The following TMEM232 variants were observed in gnomAD, a reference collection of about 807,000 sequenced individuals.
TMEM232 encodes transmembrane protein 232.
A neutral mutation model predicts 78.8 loss-of-function variants in TMEM232; 80 were observed. That is an observed-to-expected ratio of 1.01 (90% CI 0.85 to 1.22). The LOEUF (loss-of-function observed/expected upper bound fraction) is 1.22, where lower values mean the gene tolerates loss of function less well. Ranked by LOEUF, TMEM232 falls within the 50% of genes most tolerant of loss-of-function variation. The pLI is 0.00. For synonymous variants in TMEM232, 297 were observed against 254.3 expected (o/e 1.17, Z -1.60); for missense variants, 881 against 742.2 (o/e 1.19, Z -2.17).
intron 12 of TMEM232, among the ~76,000 whole-genome samples, chr5:110,493,101 T>C (rs181041123): frequency 1.5e-3 from 235 of 151,770 alleles, no homozygotes; most frequent in Non-Finnish European, 2.5e-3. Context: ...AAAACACCCA[T>C]ACAAGAAAAA....
At chr5:110,521,167 C>G (rs975137196) in intron 12 of TMEM232, among the ~76,000 whole-genome samples, 1 of 152,066 alleles carries the variant, frequency 6.6e-6, no homozygotes, top group Non-Finnish European at 1.5e-5. Flanking sequence ...CTTCAGGTGA[C>G]CTCTCATCCC....
intron 1 of TMEM232, among the ~76,000 whole-genome samples, chr5:110,691,398 T>C (rs969921308): frequency 6.6e-6 from 1 of 152,210 alleles, no homozygotes; most frequent in African/African-American, 2.4e-5. Context: ...ATGTGATGAA[T>C]GGTTTAGGAA....
chr5:110,414,715 T>C (rs1239120770), downstream of TMEM232, among the ~76,000 whole-genome samples: 1 of 152,174 alleles, frequency 6.6e-6, no homozygotes, highest in Non-Finnish European at 1.5e-5. Flanking sequence ...TTGGTTTTTA[T>C]ATTCCTTTTC....
chr5:110,627,507 T>G (rs1356611677), intron 6 of TMEM232, among the ~76,000 whole-genome samples: 1 of 151,970 alleles, frequency 6.6e-6, no homozygotes, highest in African/African-American at 2.4e-5. Flanking sequence ...TAACTATAGT[T>G]AATAATAATG....
At chr5:110,572,965 T>A (rs939233261) in intron 10 of TMEM232, among the ~76,000 whole-genome samples, 8 of 152,080 alleles carry the variant, frequency 5.3e-5, no homozygotes, top group Admixed American at 3.9e-4. Context: ...CACTCTTCTG[T>A]TCTGCTTTGC....
intron 2 of TMEM232, among the ~76,000 whole-genome samples, chr5:110,646,345 T>C (rs947947683): frequency 6.6e-6 from 1 of 151,568 alleles, no homozygotes; most frequent in Admixed American, 6.6e-5. Flanking sequence ...CCACAGTAAT[T>C]AAACCAGCAT....
chr5:110,522,003 T>C (rs1769592884), intron 12 of TMEM232, among the ~76,000 whole-genome samples: 2 of 152,198 alleles, frequency 1.3e-5, no homozygotes, highest in African/African-American at 4.8e-5. Context: ...GAAAATGCCA[T>C]TGTGATTTTG....
At chr5:110,465,522 G>GTTTA (rs1183671601) in intron 12 of TMEM232, among the ~76,000 whole-genome samples, 1 of 152,012 alleles carries the variant, frequency 6.6e-6, no homozygotes, top group African/African-American at 2.4e-5. Flanking sequence ...TTGTGTATAT[G>GTTTA]TTTATTTGAT....
chr5:110,664,336 T>C (rs1267343925), intron 2 of TMEM232, among the ~76,000 whole-genome samples: 2 of 152,222 alleles, frequency 1.3e-5, no homozygotes, highest in East Asian at 3.8e-4. Context: ...AGTTAAAATG[T>C]AGCATTGATT....
Position 110,605,115 on chromosome 5 carries a change from C to G in TMEM232, c.1270G>C (p.Glu424Gln). The change falls in exon 10 of 14, where the codon GAG becomes CAG. Residue 424 changes from glutamate (E) to glutamine (Q), a missense_variant. Transcript: ENST00000455884. ...LLEYFSSKMS[E>Q]NCDQVVWTGY... ...TAAAAAACAATCTACTTACAGTTCT[C>G]TGACATTTTTGAAGAGAAATATTCC... is the stretch of plus-strand genomic sequence containing the variant. 2 of 1,541,296 alleles carry G rather than the reference C, an allele frequency of 1.3e-6. No homozygotes were observed. The highest frequency in any genetic ancestry group is 8.8e-7 in the Non-Finnish European group (1 of 1,141,404).
At chr5:110,641,440 G>T (rs905424407) in intron 3 of TMEM232, among the ~76,000 whole-genome samples, 2 of 152,150 alleles carry the variant, frequency 1.3e-5, no homozygotes, top group Admixed American at 1.3e-4. Context: ...GATCAGGATT[G>T]TTCCACTTCC....
rs142329139 is a variant in TMEM232 at position 110,651,976 on chromosome 5, A to T, written c.126-9605T>A. Among the ~76,000 whole-genome samples the T allele has an allele frequency of 9.8e-5, 15 of 152,316 alleles. No individual in the cohort carries two copies. The East Asian group carries it at 2.7e-3, about 27-fold the overall frequency. Reference sequence around the variant, plus strand: ...TGTTGTACATAGAATTTGCTTAACAAACATCTGGTGTTTGCTTTATATATA... The same window carrying T: ...TGTTGTACATAGAATTTGCTTAACATACATCTGGTGTTTGCTTTATATATA... On this transcript the variant is annotated intron_variant, in intron 2 of 13. Coordinates refer to ENST00000455884, the MANE Select transcript of TMEM232 (RefSeq NM_001039763.4).
intron 1 of TMEM232, among the ~76,000 whole-genome samples, chr5:110,703,153 T>C (rs915668714): frequency 1.3e-4 from 19 of 151,986 alleles, no homozygotes; most frequent in African/African-American, 3.9e-4. Flanking sequence ...AAGGTAGCTA[T>C]GTTTAAAAGA....
rs1288643486 is a variant in TMEM232 at position 110,618,557 on chromosome 5, T to A, written c.774A>T (p.Gly258=). ...GCCAGAGCAGGTGGTTAATTTCATA[T>A]CCTCCCTGATTAAATTGCAAATGTT... ...RYENTDSDMG[G]YEINHLLWHC... is the part of the protein sequence containing the mutation. The change falls in exon 8 of 14, where the codon GGA becomes GGT. Residue 258 remains glycine (G), a synonymous_variant. Transcript: ENST00000455884. 6.5e-7 allele frequency: 1 copy of A among 1,546,334 alleles called. No homozygotes were observed. The highest frequency in any genetic ancestry group is 1.4e-5 in the African/African-American group (1 of 72,774).
At chr5:110,670,562 G>A (rs1298268889) in intron 1 of TMEM232, among the ~76,000 whole-genome samples, 1 of 152,070 alleles carries the variant, frequency 6.6e-6, no homozygotes, top group East Asian at 1.9e-4. Context: ...ATTGTCCAAC[G>A]TAATTTATAG....
chr5:110,463,400 T>C (rs1761742700), intron 12 of TMEM232, among the ~76,000 whole-genome samples: 1 of 152,244 alleles, frequency 6.6e-6, no homozygotes, highest in Non-Finnish European at 1.5e-5. Flanking sequence ...ATAACTTTTA[T>C]ATGCACTGGG....
chr5:110,675,688 T>C (rs1292900797), intron 1 of TMEM232, among the ~76,000 whole-genome samples: 1 of 152,220 alleles, frequency 6.6e-6, no homozygotes, highest in Non-Finnish European at 1.5e-5. Context: ...ATTTATGTTG[T>C]ATAATGTGAT....
At chr5:110,738,898 A>T (rs1301780666), upstream of TMEM232, 1 of 1,217,214 alleles carries the variant, frequency 8.2e-7, no homozygotes, top group Admixed American at 3.0e-5. Flanking sequence ...TTTAAGGTCC[A>T]GGTTACCGCC....
chr5:110,412,418 A>AT (rs1419350622), intron 2 of TMEM232, among the ~76,000 whole-genome samples: 1 of 152,190 alleles, frequency 6.6e-6, no homozygotes, highest in Non-Finnish European at 1.5e-5. Context: ...GAACATGGGC[A>AT]TTCTGAGAGC....
Sources: allele counts gnomAD v4.1 joint callset (sites outside exome capture counted in the v4.1 genomes callset), GRCh38; gene constraint gnomAD v4.1.1; transcripts MANE v1.5; gene names NCBI Gene and HGNC (gene_info 2026-07-23, HGNC 2026-07-21).